The following CNTLN variants were observed in gnomAD, a reference collection of about 807,000 sequenced individuals.
CNTLN encodes centlein, also known as centlein, centrosomal protein.
In CNTLN, 212 loss-of-function variants were observed where a neutral mutation model predicts 180.0. That is an observed-to-expected ratio of 1.18 (90% CI 1.05 to 1.32). The LOEUF is 1.32. Among genes scored for constraint, CNTLN ranks in the 40% most tolerant of loss-of-function variants. The pLI, the probability that CNTLN is intolerant of heterozygous loss-of-function variation, is 0.00. For synonymous variants in CNTLN, 722 were observed against 563.1 expected, an observed-to-expected ratio of 1.28 and a Z score of -3.99; for missense variants, 2,095 against 1,610.9, an observed-to-expected ratio of 1.30 and a Z score of -5.14.
chr9:17,256,988 T>G (rs1156399644), intron 5 of CNTLN, among the ~76,000 whole-genome samples: 1 of 151,996 alleles, frequency 6.6e-6, no homozygotes, highest in Non-Finnish European at 1.5e-5. Flanking sequence ...TTTTTTTTAT[T>G]ATTATACTTT....
chr9:17,466,597 AATAC>A, intron 22 of CNTLN, 105 bp from the exon 23 acceptor site: 1 of 833,432 alleles, frequency 1.2e-6, no homozygotes, highest in Non-Finnish European at 1.8e-6. Context: ...CCAAATAATA[AATAC>A]ATAGAGAGAA....
intron 6 of CNTLN, among the ~76,000 whole-genome samples, chr9:17,283,013 C>T (rs996490482): frequency 4.6e-5 from 7 of 151,978 alleles, no homozygotes; most frequent in Non-Finnish European, 1.5e-5. Flanking sequence ...GTTTGAAGTC[C>T]GGTAGTGTAA....
At chr9:17,381,868 T>C (rs1482288131) in intron 13 of CNTLN, among the ~76,000 whole-genome samples, 1 of 152,168 alleles carries the variant, frequency 6.6e-6, no homozygotes, top group Non-Finnish European at 1.5e-5. Context: ...TACCTGAACA[T>C]GTTCTTTTCA....
At chr9:17,393,597 T>A (rs1427925386) in intron 14 of CNTLN, among the ~76,000 whole-genome samples, 1 of 152,196 alleles carries the variant, frequency 6.6e-6, no homozygotes, top group African/African-American at 2.4e-5. Context: ...CTCTCTTTCC[T>A]GTCTGGAAAG....
At chr9:17,178,338 A>T (rs1820865572) in intron 2 of CNTLN, among the ~76,000 whole-genome samples, 1 of 152,340 alleles carries the variant, frequency 6.6e-6, no homozygotes, top group East Asian at 1.9e-4. Flanking sequence ...TCAGGAGCCC[A>T]GCTGGCTTCA....
Position 17,298,316 on chromosome 9 carries a change from AG to A in CNTLN, c.1111del (p.Asp371MetfsTer52), listed in dbSNP as rs1452962819. On this transcript the variant is annotated frameshift_variant, in exon 7 of 26. Transcript: ENST00000380647. LOFTEE classifies it high-confidence loss of function. ...DTQKVLRNQE[D>X]VHTAESISYQ... ...CACAAAAAGTACTGAGAAATCAGGA[AG>A]ATGTTCACACAGCTGAAAGTATATC... The A allele has an allele frequency of 6.2e-7, 1 of 1,613,340 alleles. No homozygotes were observed. The highest frequency in any genetic ancestry group is 1.7e-5 in the Admixed American group (1 of 59,834).
chr9:17,203,947 G>A (rs572682911), intron 2 of CNTLN, among the ~76,000 whole-genome samples: 4 of 152,162 alleles, frequency 2.6e-5, no homozygotes, highest in African/African-American at 9.7e-5. Flanking sequence ...CCACCTGATC[G>A]ATTTGGCTAT....
chr9:17,363,410 C>G (rs920048097), intron 12 of CNTLN, among the ~76,000 whole-genome samples: 4 of 152,154 alleles, frequency 2.6e-5, no homozygotes, highest in Admixed American at 1.3e-4. Context: ...TTAATGATCA[C>G]CATTCTAACT....
chr9:17,434,739 ATTAAG>A (rs1829658188), intron 18 of CNTLN, among the ~76,000 whole-genome samples: 1 of 152,040 alleles, frequency 6.6e-6, no homozygotes, highest in Non-Finnish European at 1.5e-5. Context: ...AGTATGTTTA[ATTAAG>A]TTATGTACTT....
intron 8 of CNTLN, among the ~76,000 whole-genome samples, chr9:17,321,316 G>A (rs904723981): frequency 2.6e-5 from 4 of 152,082 alleles, no homozygotes; most frequent in African/African-American, 9.7e-5. Flanking sequence ...TGAGCTCCAC[G>A]TACCTCTTTC....
chr9:17,446,183 G>A (rs1352646187), intron 18 of CNTLN, among the ~76,000 whole-genome samples: 2 of 152,022 alleles, frequency 1.3e-5, no homozygotes, highest in Non-Finnish European at 2.9e-5. Context: ...AGAGGCTGGC[G>A]GGATCCTCCA....
chr9:17,277,122 A>T (rs914051556), intron 6 of CNTLN, among the ~76,000 whole-genome samples: 1 of 76,388 alleles, frequency 1.3e-5, no homozygotes, highest in African/African-American at 5.4e-5. Flanking sequence ...AGTCATTTAT[A>T]TTTTATTGAA....
At chr9:17,294,601 G>C (rs913624043) in intron 6 of CNTLN, among the ~76,000 whole-genome samples, 8 of 150,182 alleles carry the variant, frequency 5.3e-5, no homozygotes, top group East Asian at 4.0e-4. Context: ...ACTAGACTCA[G>C]GAGCCCAGCT....
intron 4 of CNTLN, 68 bp from the exon 5 acceptor site, chr9:17,236,341 C>T: frequency 1.5e-6 from 2 of 1,319,988 alleles, no homozygotes; most frequent in Admixed American, 2.5e-5. Flanking sequence ...CTGATTAGTG[C>T]TCACCATTTT....
chr9:17,313,722 C>A (rs549095399), intron 8 of CNTLN, among the ~76,000 whole-genome samples: 1 of 152,252 alleles, frequency 6.6e-6, no homozygotes, highest in Non-Finnish European at 1.5e-5. Context: ...CCTGTTCTTT[C>A]TTTTCTCCTT....
intron 13 of CNTLN, among the ~76,000 whole-genome samples, chr9:17,380,278 A>C (rs1441438349): frequency 1.3e-5 from 2 of 152,170 alleles, no homozygotes; most frequent in African/African-American, 4.8e-5. Flanking sequence ...GGAAAAGTAT[A>C]AAGTCAGAAT....
chr9:17,166,127 A>C (rs1563840786), intron 2 of CNTLN, among the ~76,000 whole-genome samples: 1 of 152,230 alleles, frequency 6.6e-6, no homozygotes, highest in African/African-American at 2.4e-5. Flanking sequence ...GCTGAATAAA[A>C]CAAAGGAAAA....
At chr9:17,297,190 A>T (rs1015682239) in intron 6 of CNTLN, among the ~76,000 whole-genome samples, 3 of 152,162 alleles carry the variant, frequency 2.0e-5, no homozygotes, top group African/African-American at 7.2e-5. Flanking sequence ...ACAGTATAAC[A>T]TTATTTGCAT....
At chr9:17,146,818 T>C (rs1818490162) in intron 2 of CNTLN, among the ~76,000 whole-genome samples, 1 of 152,144 alleles carries the variant, frequency 6.6e-6, no homozygotes, top group African/African-American at 2.4e-5. Context: ...AATTTTTTCC[T>C]TTTTCAAAGT....
Sources: allele counts gnomAD v4.1 joint callset (sites outside exome capture counted in the v4.1 genomes callset), GRCh38; gene constraint gnomAD v4.1.1; transcripts MANE v1.5; gene names NCBI Gene and HGNC (gene_info 2026-07-23, HGNC 2026-07-21).